Variants in KCNQ4 observed in about 807,000 individuals in gnomAD.
KCNQ4 encodes the protein potassium voltage-gated channel subfamily Q member 4, also known as potassium voltage-gated channel subfamily KQT member 4.
A neutral mutation model predicts 72.6 loss-of-function variants in KCNQ4; 31 were observed. The ratio of observed to expected loss-of-function variants is 0.43; its 90% CI spans 0.32 to 0.58. KCNQ4 has a LOEUF of 0.58. Ranked by LOEUF, KCNQ4 falls within the 20% of genes least tolerant of loss-of-function variation. KCNQ4 has a pLI of 0.08. For synonymous variants in KCNQ4, 405 were observed against 403.7 expected (o/e 1.00, Z -0.04); for missense variants, 869 against 962.6 (o/e 0.90, Z 1.29).
rs561974079 is a variant in KCNQ4 at position 40,815,716 on chromosome 1, A to C, written c.315-1549A>C. 1.9e-3 allele frequency among the ~76,000 whole-genome samples: 287 copies of C among 152,208 alleles called. 2 individuals are homozygous for C. Among genetic ancestry groups the C allele is most frequent in the African/African-American group, 6.6e-3 (276 of 41,538 alleles). On this transcript the variant is annotated intron_variant, in intron 1 of 13. Transcript: ENST00000347132. ...TTGCTGGGATACACTTGCCCCCCAA[A>C]AAGGTCAGGAACCCCTGTCCAGGAG... is the stretch of plus-strand genomic sequence containing the variant.
chr1:40,823,578 C>T (rs1648373252), intron 8 of KCNQ4, among the ~76,000 whole-genome samples: 1 of 152,134 alleles, frequency 6.6e-6, no homozygotes, highest in Non-Finnish European at 1.5e-5. Flanking sequence ...GGAAGATACC[C>T]TCCTTGGCTC....
intron 12 of KCNQ4, 37 bp downstream of exon 12, chr1:40,835,135 G>A (rs765846161): frequency 6.2e-7 from 1 of 1,605,512 alleles, no homozygotes; most frequent in Middle Eastern, 1.7e-4. Context: ...CAGGGGCAGG[G>A]AGGCAGCGAC....
chr1:40,813,128 TGAA>T (rs1647974997), intron 1 of KCNQ4, among the ~76,000 whole-genome samples: 1 of 151,558 alleles, frequency 6.6e-6, no homozygotes, highest in African/African-American at 2.4e-5. Context: ...AGCAGGAGAG[TGAA>T]GAAGGTCAAG....
chr1:40,797,747 A>C (rs1042478557), intron 1 of KCNQ4, among the ~76,000 whole-genome samples: 6 of 151,976 alleles, frequency 3.9e-5, no homozygotes. Context: ...CTATTGACCA[A>C]CCCTGCTCAG....
intron 1 of KCNQ4, among the ~76,000 whole-genome samples, chr1:40,804,079 T>A (rs1232277861): frequency 6.6e-6 from 1 of 152,092 alleles, no homozygotes; most frequent in African/African-American, 2.4e-5. Context: ...CCTCCCCCAA[T>A]ATAGTGCACA....
At chr1:40,804,618 C>T (rs1004110933) in intron 1 of KCNQ4, among the ~76,000 whole-genome samples, 6 of 151,974 alleles carry the variant, frequency 3.9e-5, no homozygotes, top group South Asian at 2.1e-4. Context: ...GAGTTCGAGA[C>T]GAGCCCGGGC....
At chr1:40,823,214 G>A (rs1648361562) in intron 8 of KCNQ4, among the ~76,000 whole-genome samples, 1 of 152,222 alleles carries the variant, frequency 6.6e-6, no homozygotes, top group Non-Finnish European at 1.5e-5. Context: ...AGCCCTAGGG[G>A]CTTCCCAGGG....
At chr1:40,804,130 A>G (rs1467004147) in intron 1 of KCNQ4, among the ~76,000 whole-genome samples, 3 of 152,284 alleles carry the variant, frequency 2.0e-5, no homozygotes, top group South Asian at 2.1e-4. Context: ...CTTTGAGGTT[A>G]CCCTGACCCC....
Position 40,784,015 on chromosome 1 carries a change from C to G in KCNQ4, c.-79C>G, listed in dbSNP as rs922040755. 1 of 148,600 alleles carries G rather than the reference C, an allele frequency of 6.7e-6. No individual in the cohort carries two copies. Among genetic ancestry groups the G allele is most frequent in the Non-Finnish European group, 1.5e-5 (1 of 67,314 alleles). The allele number at this position is 148,600 out of a possible 1,614,324, so 9.2% of individuals were successfully genotyped here. ...CGCCCCTCTGGCCCCGGGTCCGAGC[C>G]ATGCGTCTCTGAGCGCCCCGAGCGC... On this transcript the variant is annotated 5_prime_UTR_variant, in exon 1 of 14. Transcript: ENST00000347132. The surrounding 1 kb of genome is among the most constrained non-coding windows in gnomAD (Gnocchi z 4.1).
intron 1 of KCNQ4, among the ~76,000 whole-genome samples, chr1:40,796,375 C>T (rs1647410240): frequency 6.6e-6 from 1 of 152,158 alleles, no homozygotes; most frequent in Non-Finnish European, 1.5e-5. Flanking sequence ...TGAGAGCTTG[C>T]CACGCCTTCT....
intron 1 of KCNQ4, among the ~76,000 whole-genome samples, chr1:40,804,548 G>T (rs1647698278): frequency 6.6e-6 from 1 of 152,218 alleles, no homozygotes; most frequent in South Asian, 2.1e-4. Flanking sequence ...GCTGGTAGTG[G>T]CTCATGCCTG....
At chr1:40,808,433 T>G (rs986631502) in intron 1 of KCNQ4, among the ~76,000 whole-genome samples, 19 of 152,196 alleles carry the variant, frequency 1.2e-4, no homozygotes, top group African/African-American at 4.3e-4. Context: ...CTGAGGATAA[T>G]GGTCCTGTGC....
intron 9 of KCNQ4, among the ~76,000 whole-genome samples, chr1:40,827,583 G>A (rs1648518754): frequency 6.6e-6 from 1 of 152,210 alleles, no homozygotes; most frequent in Admixed American, 6.5e-5. Flanking sequence ...TGAGCTCATG[G>A]AGTCCTGGGT....
Position 40,824,182 on chromosome 1 carries a change from G to C in KCNQ4, c.1216G>C (p.Asp406His). ...PLEVRRAPVP[D>H]GAPSRYPPVA... is the part of the protein sequence containing the mutation. ...GGAGGTGCGGCGGGCGCCGGTACCC[G>C]ACGGAGCACCCTCCCGTTACCCGCC... The change falls in exon 9 of 14, where the codon GAC becomes CAC. Residue 406 changes from aspartate to histidine, a missense_variant. Asp to His is a moderately conservative substitution (Grantham distance 81). This residue lies in a region of KCNQ4 where 480 missense variants were observed against 501.9 expected (regional missense o/e 0.96). Transcript: ENST00000347132. The C allele has an allele frequency of 1.3e-6, 2 of 1,572,502 alleles. No homozygotes were observed. Among genetic ancestry groups the C allele is most frequent in the South Asian group, 1.2e-5 (1 of 85,982 alleles).
At position 40,798,875 on chromosome 1, in the gene KCNQ4, T is replaced by C. The variant is rs573599171; in HGVS notation, c.314+14468T>C. On this transcript the variant is annotated intron_variant, in intron 1 of 13. Transcript: ENST00000347132. Reference sequence around the variant, plus strand: ...TTGCCCTCCTGCATCAAGGGTTTTTTCTCCTTGGCCTGGCTGCCTGGGCAA... The same window carrying C: ...TTGCCCTCCTGCATCAAGGGTTTTTCCTCCTTGGCCTGGCTGCCTGGGCAA... 1.6e-3 allele frequency among the ~76,000 whole-genome samples: 251 copies of C among 152,328 alleles called. 5 individuals carry two copies. The highest frequency in any genetic ancestry group is 3.4e-3 in the Middle Eastern group (1 of 294).
intron 2 of KCNQ4, 97 bp from the exon 3 acceptor site, chr1:40,818,067 G>T: frequency 6.5e-7 from 1 of 1,546,142 alleles, no homozygotes; most frequent in Non-Finnish European, 8.9e-7. Context: ...GGAGGCCCTG[G>T]TCCCCCTAAC....
rs115475503 is a variant in KCNQ4 at position 40,832,008 on chromosome 1, G to C, written c.1513+704G>C. ...TCCTACCCCTCTTCACCCAGCCCAG[G>C]CTGCAAGTATGAGACTGTGGACCAT... On this transcript the variant is annotated intron_variant, in intron 10 of 13. Coordinates refer to ENST00000347132, the MANE Select transcript of KCNQ4 (RefSeq NM_004700.4). Among the ~76,000 whole-genome samples the C allele has an allele frequency of 9.7e-3, 1,472 of 152,352 alleles. 26 individuals carry two copies. Among genetic ancestry groups the C allele is most frequent in the African/African-American group, 0.034 (1,395 of 41,584 alleles).
In KCNQ4 at chr1:40,838,633, G is replaced by T; in HGVS notation, c.*110G>T. The T allele has an allele frequency of 9.6e-7, 1 of 1,040,920 alleles. No individual in the cohort carries two copies. The allele number at this position is 1,040,920 out of a possible 1,614,324, so 64.5% of individuals were successfully genotyped here. On this transcript the variant is annotated 3_prime_UTR_variant, in exon 14 of 14. Coordinates refer to ENST00000347132, the MANE Select transcript of KCNQ4 (RefSeq NM_004700.4). ...GTACTTGAACTCACTCCCTCACGGG[G>T]AGAGAGACCACACGCAGTATTGAGC...
chr1:40,820,638 C>A (rs998702301), intron 7 of KCNQ4, among the ~76,000 whole-genome samples: 5 of 152,236 alleles, frequency 3.3e-5, no homozygotes, highest in African/African-American at 1.2e-4. Context: ...CCAGCACCTT[C>A]ATTCATTCAT....
Sources: allele counts gnomAD v4.1 joint callset (sites outside exome capture counted in the v4.1 genomes callset), GRCh38; gene constraint gnomAD v4.1.1; regional missense constraint gnomAD v4.1.1; non-coding constraint Gnocchi (gnomAD v3.1); transcripts MANE v1.5; gene names NCBI Gene and HGNC (gene_info 2026-07-23, HGNC 2026-07-21).